The following SH3D19 variants were observed in gnomAD, a reference collection of about 807,000 sequenced individuals.
SH3D19 encodes the protein SH3 domain-containing protein 19.
SH3D19 carries 58 observed loss-of-function variants against 112.1 expected under a neutral mutation model. That is an observed-to-expected ratio of 0.52 (90% CI 0.42 to 0.64). The LOEUF is 0.64. SH3D19 is among the 30% of genes least tolerant of loss of function. The pLI is 0.00. For synonymous variants in SH3D19, 391 were observed against 448.5 expected (o/e 0.87, Z 1.62); for missense variants, 1,090 against 1,263.4 (o/e 0.86, Z 2.08).
chr4:151,271,207 T>C (rs1675018705), intron 1 of SH3D19, among the ~76,000 whole-genome samples: 1 of 152,246 alleles, frequency 6.6e-6, no homozygotes, highest in Non-Finnish European at 1.5e-5. Context: ...ATTATAGGCA[T>C]GAGCCACTAT....
intron 1 of SH3D19, among the ~76,000 whole-genome samples, chr4:151,292,072 G>T (rs1159205920): frequency 6.6e-6 from 1 of 152,136 alleles, no homozygotes; most frequent in Non-Finnish European, 1.5e-5. Context: ...ACTTTGGGAG[G>T]CCAAGGATCA....
intron 1 of SH3D19, among the ~76,000 whole-genome samples, chr4:151,264,841 C>T (rs1278334922): frequency 3.3e-5 from 5 of 151,984 alleles, no homozygotes; most frequent in African/African-American, 1.2e-4. Context: ...GGATCTGATG[C>T]TGACCAGAGC....
intron 14 of SH3D19, among the ~76,000 whole-genome samples, chr4:151,136,526 A>G (rs1020299266): frequency 5.9e-5 from 9 of 152,212 alleles, no homozygotes; most frequent in African/African-American, 2.2e-4. Context: ...TTTGGCTATA[A>G]TGCATGCAAT....
intron 1 of SH3D19, among the ~76,000 whole-genome samples, chr4:151,234,181 A>G (rs1301846977): frequency 6.6e-6 from 1 of 152,244 alleles, no homozygotes; most frequent in Non-Finnish European, 1.5e-5. Flanking sequence ...GGAAAAAACT[A>G]CAGCACATTT....
At chr4:151,156,406 T>C (rs1756110875) in intron 9 of SH3D19, among the ~76,000 whole-genome samples, 1 of 152,146 alleles carries the variant, frequency 6.6e-6, no homozygotes, top group Non-Finnish European at 1.5e-5. Flanking sequence ...AGGCATCACC[T>C]ACCAACTTTA....
intron 2 of SH3D19, among the ~76,000 whole-genome samples, chr4:151,219,192 T>C (rs1432379261): frequency 1.3e-5 from 2 of 152,188 alleles, no homozygotes; most frequent in Non-Finnish European, 2.9e-5. Flanking sequence ...AATATCAGAT[T>C]ACTCTTAACA....
chr4:151,268,082 T>A (rs1333862140), intron 1 of SH3D19, among the ~76,000 whole-genome samples: 1 of 152,088 alleles, frequency 6.6e-6, no homozygotes, highest in Non-Finnish European at 1.5e-5. Flanking sequence ...CATCGTAGAG[T>A]GAAATGACAC....
At chr4:151,239,413 GT>G (rs200251701) in intron 1 of SH3D19, among the ~76,000 whole-genome samples, 1 of 150,694 alleles carries the variant, frequency 6.6e-6, no homozygotes, top group Non-Finnish European at 1.5e-5. Context: ...TGTTGTTTTT[GT>G]TTTTTTTTAG....
At chr4:151,158,509 AG>A (rs1756553200) in intron 9 of SH3D19, among the ~76,000 whole-genome samples, 1 of 152,040 alleles carries the variant, frequency 6.6e-6, no homozygotes, top group Non-Finnish European at 1.5e-5. Flanking sequence ...CATGTTAACC[AG>A]GCTCGTCTCG....
At chr4:151,133,515 T>C (rs1751184996) in intron 15 of SH3D19, among the ~76,000 whole-genome samples, 1 of 152,174 alleles carries the variant, frequency 6.6e-6, no homozygotes. Flanking sequence ...TACTCCCCAG[T>C]CTCCGTATGT....
chr4:151,289,493 T>C (rs1775124435), intron 1 of SH3D19, among the ~76,000 whole-genome samples: 1 of 152,134 alleles, frequency 6.6e-6, no homozygotes, highest in Admixed American at 6.5e-5. Flanking sequence ...GGGATCTGTA[T>C]CTAGAAAAAA....
intron 9 of SH3D19, 56 bp from the exon 10 acceptor site, chr4:151,149,617 C>A: frequency 6.6e-7 from 1 of 1,521,396 alleles, no homozygotes; most frequent in South Asian, 1.2e-5. Context: ...AAGAACTTGT[C>A]AAGAGAAATT....
chr4:151,307,080 G>A (rs908072729), intron 1 of SH3D19, among the ~76,000 whole-genome samples: 5 of 149,356 alleles, frequency 3.3e-5, no homozygotes, highest in Admixed American at 2.0e-4. Flanking sequence ...GTGCAGTGGC[G>A]GGATCTCGGC....
chr4:151,128,437 G>GA (rs373526468), intron 17 of SH3D19, 81 bp from the exon 18 acceptor site: 2,515 of 1,205,182 alleles, frequency 2.1e-3, no homozygotes, highest in South Asian at 3.5e-3. Flanking sequence ...AAGTAGTGGG[G>GA]AAAAAAAAAC....
chr4:151,289,935 G>T (rs1046587871), intron 1 of SH3D19, among the ~76,000 whole-genome samples: 1 of 151,964 alleles, frequency 6.6e-6, no homozygotes, highest in African/African-American at 2.4e-5. Flanking sequence ...AGAAAAAACC[G>T]GTACACAAGT....
chr4:151,232,270 A>G (rs1220466902), intron 1 of SH3D19, among the ~76,000 whole-genome samples: 1 of 152,170 alleles, frequency 6.6e-6, no homozygotes, highest in Non-Finnish European at 1.5e-5. Context: ...CCCTCATTTT[A>G]GGTTCTTATC....
rs1270684049 is a variant in SH3D19, at chr4:151,183,238, C to T, written c.194-3841G>A. 5.3e-5 allele frequency among the ~76,000 whole-genome samples: 8 copies of T among 152,018 alleles called. No individual in the cohort carries two copies. In the South Asian group the frequency reaches 6.2e-4, roughly 12 times the overall value. ...AATTCCTGACCTCAGGTGATCCGCC[C>T]GCCTCAGCCTCCCAAAGTGCTGGGA... On this transcript the variant is annotated intron_variant, in intron 3 of 19. Transcript: ENST00000604030.
intron 1 of SH3D19, among the ~76,000 whole-genome samples, chr4:151,280,524 A>G (rs1774111778): frequency 6.6e-6 from 1 of 152,250 alleles, no homozygotes; most frequent in African/African-American, 2.4e-5. Flanking sequence ...TGAGATAAAT[A>G]TTTGTTGTTT....
At chr4:151,236,999 C>T (rs566395635) in intron 1 of SH3D19, among the ~76,000 whole-genome samples, 7 of 152,326 alleles carry the variant, frequency 4.6e-5, no homozygotes, top group South Asian at 2.1e-4. Flanking sequence ...CAGCAACATG[C>T]TGAAGTCCCC....
Sources: gnomAD v4.1 joint callset for allele counts (sites outside exome capture counted in the v4.1 genomes callset) on GRCh38, gnomAD v4.1.1 for gene constraint, MANE v1.5 for transcripts, NCBI Gene and HGNC (gene_info 2026-07-23, HGNC 2026-07-21) for gene names.